The following ZFAT variants were observed in gnomAD, a reference collection of about 807,000 sequenced individuals.
ZFAT encodes zinc finger and AT-hook domain containing, also known as zinc finger protein ZFAT.
In ZFAT, 64 loss-of-function variants were observed where a neutral mutation model predicts 117.7. The ratio of observed to expected loss-of-function variants is 0.54; its 90% confidence interval spans 0.44 to 0.67. The LOEUF is 0.67. Among genes scored for constraint, ZFAT ranks in the 30% least tolerant of loss-of-function variants. ZFAT has a pLI of 0.00. For missense variants in ZFAT, 1,433 were observed against 1,584.5 expected, an observed-to-expected ratio of 0.90 and a Z score of 1.62; for synonymous variants, 679 against 615.0, an observed-to-expected ratio of 1.10 and a Z score of -1.54.
rs182387779 is a variant in ZFAT, at chr8:134,702,711, G to A, written c.19+10134C>T. On this transcript the variant is annotated intron_variant, in intron 1 of 15. Coordinates refer to ENST00000377838, the MANE Select transcript of ZFAT (RefSeq NM_020863.4). ...TTTTGAGACAGAGTCTCACGCTGTC[G>A]CCCAGGCTGGAGTACAGTGGCGCGA... 1.9e-3 allele frequency among the ~76,000 whole-genome samples: 281 copies of A among 146,862 alleles called. 2 individuals are homozygous for A. The East Asian group carries it at 0.036, about 19-fold the overall frequency.
At chr8:134,656,359 G>A (rs761638961) in intron 2 of ZFAT, among the ~76,000 whole-genome samples, 9 of 152,166 alleles carry the variant, frequency 5.9e-5, no homozygotes, top group African/African-American at 9.7e-5. Flanking sequence ...GGCTGAGCAC[G>A]CCATGGACAC....
intron 1 of ZFAT, among the ~76,000 whole-genome samples, chr8:134,706,690 C>T (rs979107573): frequency 6.6e-6 from 1 of 151,292 alleles, no homozygotes; most frequent in African/African-American, 2.5e-5. Context: ...AAGACTCCAT[C>T]TCAAAAACAA....
At chr8:134,526,672 A>C (rs1042130142) in intron 12 of ZFAT, among the ~76,000 whole-genome samples, 2 of 152,138 alleles carry the variant, frequency 1.3e-5, no homozygotes, top group African/African-American at 2.4e-5. Flanking sequence ...TTGAAAATTC[A>C]ATTTCATTTT....
chr8:134,755,253 A>C, the ZFAT span, among the ~76,000 whole-genome samples: 11 of 151,034 alleles, frequency 7.3e-5, no homozygotes, highest in Non-Finnish European at 1.5e-4. Flanking sequence ...AAATACAAAA[A>C]AAAAAAAAAA....
At chr8:134,710,193 C>G (rs557868889) in intron 1 of ZFAT, among the ~76,000 whole-genome samples, 1 of 152,140 alleles carries the variant, frequency 6.6e-6, no homozygotes, top group Non-Finnish European at 1.5e-5. Context: ...AGGCACCAAT[C>G]GAAAAGATAT....
chr8:134,540,253 G>A (rs1032071402), intron 11 of ZFAT, among the ~76,000 whole-genome samples: 1 of 152,184 alleles, frequency 6.6e-6, no homozygotes, highest in Non-Finnish European at 1.5e-5. Context: ...ACAGACAGTA[G>A]GTGGGAGGAT....
At chr8:134,712,235 T>C (rs1170341403) in intron 1 of ZFAT, among the ~76,000 whole-genome samples, 4 of 152,194 alleles carry the variant, frequency 2.6e-5, no homozygotes, top group Non-Finnish European at 5.9e-5. Context: ...CTTCTGTTCC[T>C]CATAATAAAT....
the ZFAT span, chr8:134,766,578 A>G: frequency 6.6e-6 from 1 of 152,212 alleles, no homozygotes; most frequent in African/African-American, 2.4e-5. Context: ...TTACATATAT[A>G]TCCTAAGTGG....
intron 1 of ZFAT, among the ~76,000 whole-genome samples, chr8:134,661,113 C>T (rs1831904526): frequency 6.6e-6 from 1 of 152,252 alleles, no homozygotes; most frequent in African/African-American, 2.4e-5. Context: ...TCTGGACAGG[C>T]TGCCATGGAC....
chr8:134,587,160 T>A (rs911836948), intron 9 of ZFAT, among the ~76,000 whole-genome samples: 1 of 152,148 alleles, frequency 6.6e-6, no homozygotes, highest in South Asian at 2.1e-4. Flanking sequence ...CACACCTGGG[T>A]TGTTTGTACC....
At chr8:134,739,969 T>C in the ZFAT span, among the ~76,000 whole-genome samples, 1 of 152,242 alleles carries the variant, frequency 6.6e-6, no homozygotes, top group African/African-American at 2.4e-5. Flanking sequence ...TCCTCATGCC[T>C]TGGGGGAGAT....
Position 134,512,448 on chromosome 8 carries a change from T to A in ZFAT, c.3361+27A>T, listed in dbSNP as rs780997843. On this transcript the variant is annotated intron_variant, in intron 14 of 15. Transcript: ENST00000377838. ...ATGTCTAGGAAAGACAGTTCTGAGA[T>A]GGCAAAGGAAGACCAGGCGTCCTCA... The A allele has an allele frequency of 3.7e-6, 6 of 1,610,916 alleles. No homozygotes were observed. The South Asian group carries it at 5.5e-5, about 15-fold the overall frequency.
At chr8:134,509,101 T>C (rs1586609952) in intron 15 of ZFAT, among the ~76,000 whole-genome samples, 2 of 152,208 alleles carry the variant, frequency 1.3e-5, no homozygotes, top group African/African-American at 2.4e-5. Context: ...GCCAAGCAGA[T>C]AAAGGATTAA....
Position 134,583,896 on chromosome 8 carries a change from C to T in ZFAT, c.2823G>A (p.Met941Ile), listed in dbSNP as rs1563631182. 5 of 1,612,030 alleles carry T rather than the reference C, an allele frequency of 3.1e-6. No individual in the cohort carries two copies. The highest frequency in any genetic ancestry group is 1.7e-5 in the Admixed American group (1 of 59,836). Residue 941 changes from methionine (M) to isoleucine (I), a missense_variant, in exon 10 of 16, where the codon ATG becomes ATA. This residue lies in a region of ZFAT where 503 missense variants were observed against 543.4 expected (regional missense o/e 0.93). Transcript: ENST00000377838. ...CTTTTGATTTGAATTTCTTGCCACA[C>T]ATGTCACATAGGTGGGTTTTCTCAG... ...HSTEKTHLCD[M>I]CGKKFKSKGT... is the part of the protein sequence containing the mutation.
chr8:134,788,729 G>C, the ZFAT span, among the ~76,000 whole-genome samples: 2 of 152,020 alleles, frequency 1.3e-5, no homozygotes, highest in Non-Finnish European at 2.9e-5. Flanking sequence ...TGTCATTCGT[G>C]CTTTATGTAT....
At chr8:134,742,386 G>A in the ZFAT span, among the ~76,000 whole-genome samples, 2 of 152,138 alleles carry the variant, frequency 1.3e-5, no homozygotes, top group African/African-American at 2.4e-5. Flanking sequence ...GAGACACAGC[G>A]CAGGTGCCAT....
intron 1 of ZFAT, among the ~76,000 whole-genome samples, chr8:134,709,516 T>G (rs1018228586): frequency 6.6e-6 from 1 of 152,070 alleles, no homozygotes; most frequent in Non-Finnish European, 1.5e-5. Flanking sequence ...CCTTGAGAAA[T>G]TGCAAATCAG....
At chr8:134,590,077 T>A (rs1826350298) in intron 8 of ZFAT, among the ~76,000 whole-genome samples, 191 bp downstream of exon 8, 1 of 152,206 alleles carries the variant, frequency 6.6e-6, no homozygotes, top group East Asian at 1.9e-4. Context: ...GAAGACCAGA[T>A]AAAAGAACAA....
At chr8:134,743,172 A>G in the ZFAT span, among the ~76,000 whole-genome samples, 13 of 152,206 alleles carry the variant, frequency 8.5e-5, no homozygotes, top group African/African-American at 3.1e-4. Context: ...GTTTGGGTTA[A>G]TTGTGGCAAA....
Sources: gnomAD v4.1 joint callset for allele counts (sites outside exome capture counted in the v4.1 genomes callset) on GRCh38, gnomAD v4.1.1 for gene constraint, gnomAD v4.1.1 regional missense constraint, MANE v1.5 for transcripts, NCBI Gene and HGNC (gene_info 2026-07-23, HGNC 2026-07-21) for gene names.